Variants in GRID1 observed in about 807,000 individuals in gnomAD.
GRID1 encodes the protein glutamate ionotropic receptor delta type subunit 1, also known as glutamate receptor ionotropic, delta-1.
In GRID1, 28 loss-of-function variants were observed where a neutral mutation model predicts 98.0. The ratio of observed to expected loss-of-function variants is 0.29; its 90% confidence interval spans 0.21 to 0.39. GRID1 has a LOEUF of 0.39. Ranked by LOEUF, GRID1 falls within the 10% of genes least tolerant of loss-of-function variation. The probability of loss-of-function intolerance (pLI) is 1.00; values close to 1 mark genes in which losing one functional copy is unlikely to be tolerated. For missense variants in GRID1, 1,111 were observed against 1,340.5 expected, an observed-to-expected ratio of 0.83 and a Z score of 2.67; for synonymous variants, 553 against 538.5, an observed-to-expected ratio of 1.03 and a Z score of -0.37.
intron 4 of GRID1, among the ~76,000 whole-genome samples, chr10:85,938,523 G>A (rs1378569219): frequency 6.6e-6 from 1 of 152,190 alleles, no homozygotes; most frequent in Non-Finnish European, 1.5e-5. Flanking sequence ...ACAACGCTAT[G>A]GGGTAGTTTC....
At chr10:86,329,811 A>C (rs532107326) in intron 2 of GRID1, among the ~76,000 whole-genome samples, 35 of 152,252 alleles carry the variant, frequency 2.3e-4, no homozygotes, top group African/African-American at 8.4e-4. Context: ...GATCTTCCTT[A>C]TGAAGTTGGA....
chr10:86,343,285 A>G lies in GRID1; in HGVS notation c.235+20656T>C, dbSNP rs1161471520. Among the ~76,000 whole-genome samples, 3 of 152,218 alleles carry G rather than the reference A, an allele frequency of 2.0e-5. 1 individual carries two copies. The highest frequency in any genetic ancestry group is 2.0e-4 in the Admixed American group (3 of 15,280). ...TCATTTAACAAAAAAATCTGTATCT[A>G]CAGTGTATGGAACAAAAGAAGATTT... is the stretch of plus-strand genomic sequence containing the variant. On this transcript the variant is annotated intron_variant, in intron 2 of 15. Coordinates refer to ENST00000327946, the MANE Select transcript of GRID1 (RefSeq NM_017551.3).
At chr10:86,059,578 C>T (rs1024983086) in intron 4 of GRID1, among the ~76,000 whole-genome samples, 1 of 152,178 alleles carries the variant, frequency 6.6e-6, no homozygotes, top group African/African-American at 2.4e-5. Context: ...GACAAACTCT[C>T]CTGTTAAAGG....
intron 2 of GRID1, among the ~76,000 whole-genome samples, chr10:86,268,595 C>A (rs184317252): frequency 3.3e-5 from 5 of 152,224 alleles, no homozygotes; most frequent in Non-Finnish European, 7.3e-5. Context: ...CCACCAACAC[C>A]ATTTGCTGGC....
intron 4 of GRID1, among the ~76,000 whole-genome samples, chr10:85,979,611 T>G (rs1204321247): frequency 2.6e-5 from 4 of 152,238 alleles, no homozygotes; most frequent in Non-Finnish European, 5.9e-5. Context: ...ATAGTCATAT[T>G]GGATTAGGGT....
At chr10:85,906,202 C>T (rs987497330) in intron 5 of GRID1, among the ~76,000 whole-genome samples, 3 of 152,030 alleles carry the variant, frequency 2.0e-5, no homozygotes, top group African/African-American at 4.8e-5. Flanking sequence ...ATCAAGAGAA[C>T]ATAAAAATCC....
intron 12 of GRID1, among the ~76,000 whole-genome samples, chr10:85,713,933 C>G (rs1004204558): frequency 1.3e-5 from 2 of 151,866 alleles, no homozygotes; most frequent in Non-Finnish European, 2.9e-5. Context: ...CCTGCAAGAT[C>G]AGGAACAAAA....
At chr10:85,764,521 G>C (rs1362128929) in intron 8 of GRID1, among the ~76,000 whole-genome samples, 1 of 152,216 alleles carries the variant, frequency 6.6e-6, no homozygotes, top group Non-Finnish European at 1.5e-5. Context: ...CACCTGGGCT[G>C]CTGCAGGTGA....
chr10:85,599,802 A>AAAATATATATATATATATAT lies in GRID1; in HGVS notation c.*2470_*2471insATATATATATATATATATTT. ...GTAGAAAATTCTAAAAAAAAAAAAA[A>AAAATATATATATATATATAT]ATATATATATATATATATAAACATG... On this transcript the variant is annotated 3_prime_UTR_variant, in exon 16 of 16. Coordinates refer to ENST00000327946, the MANE Select transcript of GRID1 (RefSeq NM_017551.3). 5 of 64,984 alleles carry AAAATATATATATATATATAT rather than the reference A, an allele frequency of 7.7e-5. No homozygotes were observed. Among genetic ancestry groups the AAAATATATATATATATATAT allele is most frequent in the Non-Finnish European group, 1.0e-4 (4 of 38,788 alleles). 4.0% of individuals were successfully genotyped at this position (64,984 alleles called of 1,614,324 possible).
intron 3 of GRID1, among the ~76,000 whole-genome samples, chr10:86,184,925 A>C (rs1464039497): frequency 6.6e-6 from 1 of 152,158 alleles, no homozygotes; most frequent in Non-Finnish European, 1.5e-5. Context: ...TAGTCCTCCA[A>C]GTTTATTCTT....
At chr10:85,780,835 T>C (rs925480773) in intron 8 of GRID1, among the ~76,000 whole-genome samples, 1 of 152,244 alleles carries the variant, frequency 6.6e-6, no homozygotes, top group Non-Finnish European at 1.5e-5. Context: ...AATTAGGCAT[T>C]TGATGCAAAG....
At chr10:86,109,632 C>T (rs1844446672) in intron 4 of GRID1, among the ~76,000 whole-genome samples, 1 of 152,200 alleles carries the variant, frequency 6.6e-6, no homozygotes, top group Non-Finnish European at 1.5e-5. Flanking sequence ...TCGCAGAAGG[C>T]CTCTCTATGT....
chr10:85,776,573 G>T (rs1842333527), intron 8 of GRID1, among the ~76,000 whole-genome samples: 1 of 152,166 alleles, frequency 6.6e-6, no homozygotes, highest in Non-Finnish European at 1.5e-5. Flanking sequence ...AGCAGCCGAG[G>T]GGAGGCAGCA....
At position 85,602,602 on chromosome 10, in the gene GRID1, A is replaced by T; in HGVS notation, c.2701T>A (p.Ser901Thr). ...GCCAGGCCCCCCATCTCCAGGGCCGAGAGCTCAATCGACGCTGGGGAAATC... is the reference window on the plus strand; with the variant it reads ...GCCAGGCCCCCCATCTCCAGGGCCGTGAGCTCAATCGACGCTGGGGAAATC... ...KQISPASIELSALEMGGLAPT... is the reference protein window; with the variant it reads ...KQISPASIELTALEMGGLAPT... The change falls in exon 16 of 16, where the codon TCG becomes ACG. Residue 901 changes from serine (S) to threonine (T), a missense_variant. Transcript: ENST00000327946. 3.7e-6 allele frequency: 6 copies of T among 1,614,024 alleles called. No homozygotes were observed. The highest frequency in any genetic ancestry group is 2.5e-6 in the Non-Finnish European group (3 of 1,179,982).
chr10:85,656,137 C>A lies in GRID1; in HGVS notation c.1998-8740G>T, dbSNP rs1311109659. 4.6e-5 allele frequency among the ~76,000 whole-genome samples: 7 copies of A among 152,300 alleles called. No individual in the cohort carries two copies. The East Asian group carries it at 1.4e-3, about 29-fold the overall frequency. ...CTCCAGTTTTCATCCCTCTGCTGAT[C>A]TGAAACAACTTTCATCAAGGTCATT... On this transcript the variant is annotated intron_variant, in intron 12 of 15. Coordinates refer to ENST00000327946, the MANE Select transcript of GRID1 (RefSeq NM_017551.3).
At chr10:85,795,972 G>A (rs1052284205) in intron 8 of GRID1, among the ~76,000 whole-genome samples, 1 of 152,192 alleles carries the variant, frequency 6.6e-6, no homozygotes, top group Non-Finnish European at 1.5e-5. Context: ...TAAAAGGGGA[G>A]CTGGGGAGTT....
intron 2 of GRID1, among the ~76,000 whole-genome samples, chr10:86,322,709 C>G (rs1231115079): frequency 1.3e-5 from 2 of 150,592 alleles, no homozygotes; most frequent in Admixed American, 1.3e-4. Flanking sequence ...CCTTGCCCGG[C>G]CTTGAATTAT....
intron 4 of GRID1, among the ~76,000 whole-genome samples, chr10:86,046,399 G>A (rs1487403477): frequency 3.3e-5 from 5 of 152,136 alleles, no homozygotes; most frequent in African/African-American, 1.2e-4. Context: ...CCTACCACCA[G>A]CTCGCCCTTG....
intron 2 of GRID1, among the ~76,000 whole-genome samples, chr10:86,321,877 A>G: frequency 6.6e-6 from 1 of 152,186 alleles, no homozygotes; most frequent in East Asian, 1.9e-4. Context: ...CCTCACAGAT[A>G]GGACAACAGA....
Sources: gnomAD v4.1 joint callset for allele counts (sites outside exome capture counted in the v4.1 genomes callset) on GRCh38, gnomAD v4.1.1 for gene constraint, MANE v1.5 for transcripts, NCBI Gene and HGNC (gene_info 2026-07-23, HGNC 2026-07-21) for gene names.